SEL1L: variants seen among roughly 807,000 people sequenced by gnomAD.
SEL1L encodes SEL1L adaptor subunit of SYVN1 ubiquitin ligase.
Under a neutral mutation model 109.8 loss-of-function variants are expected in SEL1L, and 52 were observed. The ratio of observed to expected loss-of-function variants is 0.47; its 90% CI spans 0.38 to 0.60. The LOEUF (loss-of-function observed/expected upper bound fraction) is 0.60. Ranked by LOEUF, SEL1L falls within the 20% of genes least tolerant of loss-of-function variation. The probability of loss-of-function intolerance (pLI) is 0.00; values close to 1 mark genes in which losing one functional copy is unlikely to be tolerated. For synonymous variants in SEL1L, 373 were observed against 339.6 expected (o/e 1.10, Z -1.08); for missense variants, 749 against 962.2 (o/e 0.78, Z 2.93).
chr14:81,490,753 T>G (rs1169084513), intron 12 of SEL1L, among the ~76,000 whole-genome samples: 1 of 152,146 alleles, frequency 6.6e-6, no homozygotes, highest in African/African-American at 2.4e-5. Flanking sequence ...ATACAAAAAT[T>G]AGCCAGGCGT....
intron 3 of SEL1L, among the ~76,000 whole-genome samples, chr14:81,516,094 T>C (rs531650396): frequency 6.6e-6 from 1 of 152,296 alleles, no homozygotes; most frequent in East Asian, 1.9e-4. Context: ...AGGCAATCAC[T>C]GGAAGGTGCA....
chr14:81,498,512 G>A lies in SEL1L; in HGVS notation c.892-18C>T, dbSNP rs756360053. 10 of 1,593,172 alleles carry A rather than the reference G, an allele frequency of 6.3e-6. No individual in the cohort carries two copies. The highest frequency in any genetic ancestry group is 2.7e-5 in the African/African-American group (2 of 74,404). On this transcript the variant is annotated intron_variant, in intron 8 of 20. Transcript: ENST00000336735. ...CTGTAACCCTGTAAAACAACTTCAC[G>A]TGAGGAGGCAGCAGTTTCATGTACT...
intron 3 of SEL1L, among the ~76,000 whole-genome samples, chr14:81,518,718 G>A (rs1260973783): frequency 6.7e-6 from 1 of 150,160 alleles, no homozygotes; most frequent in Non-Finnish European, 1.5e-5. Flanking sequence ...TAGGGAGGAA[G>A]CCTATTGTTT....
In SEL1L at chr14:81,498,507, T is replaced by G. The variant is rs761784795; in HGVS notation, c.892-13A>C. The G allele has an allele frequency of 1.1e-5, 18 of 1,606,058 alleles. No individual in the cohort carries two copies. The South Asian group carries it at 1.8e-4, about 16-fold the overall frequency. ...AGTATCTGTAACCCTGTAAAACAAC[T>G]TCACGTGAGGAGGCAGCAGTTTCAT... On this transcript the variant is annotated splice_polypyrimidine_tract_variant and intron_variant, in intron 8 of 20. Transcript: ENST00000336735.
In SEL1L at chr14:81,495,103, C is replaced by T. The variant is rs772442888; in HGVS notation, c.1163G>A (p.Arg388His). The T allele has an allele frequency of 3.7e-6, 6 of 1,614,046 alleles. No individual in the cohort carries two copies. The highest frequency in any genetic ancestry group is 2.2e-5 in the East Asian group (1 of 44,872). ...GLGQLHLHGG[R>H]GVEQNHQRAF... is the part of the protein sequence containing the mutation. Reference sequence around the variant, plus strand: ...TACCTGATGATTCTGTTCTACTCCACGCCCTCCGTGCAGGTGCAGTTGTCC... The same window carrying T: ...TACCTGATGATTCTGTTCTACTCCATGCCCTCCGTGCAGGTGCAGTTGTCC... Residue 388 changes from arginine (R) to histidine (H), a missense_variant, in exon 11 of 21, where the codon CGT becomes CAT. Arg to His is a conservative substitution (Grantham distance 29, BLOSUM62 0). Around this residue, in one of 2 missense-constraint regions of SEL1L, gnomAD observed 383 missense variants for 562.5 expected, o/e 0.68. Transcript: ENST00000336735.
chr14:81,533,078 C>T (rs564292885), intron 1 of SEL1L, among the ~76,000 whole-genome samples: 2 of 152,324 alleles, frequency 1.3e-5, no homozygotes, highest in South Asian at 4.1e-4. Context: ...AAATGACTGT[C>T]AACAAACATG....
chr14:81,521,541 A>T (rs943289073), intron 3 of SEL1L, among the ~76,000 whole-genome samples: 3 of 152,214 alleles, frequency 2.0e-5, no homozygotes, highest in Non-Finnish European at 4.4e-5. Flanking sequence ...GTGGTCCCAT[A>T]AGATTATATC....
chr14:81,515,767 C>T (rs755760084), intron 3 of SEL1L, among the ~76,000 whole-genome samples: 15 of 152,110 alleles, frequency 9.9e-5, no homozygotes, highest in Admixed American at 2.0e-4. Context: ...CCCAATCAGC[C>T]GCAGATATCA....
rs1182671975 is a variant in SEL1L at position 81,474,912 on chromosome 14, G to A, written c.*2060C>T. The A allele has an allele frequency of 6.6e-6, 1 of 152,162 alleles. No individual in the cohort carries two copies. Among genetic ancestry groups the A allele is most frequent in the Non-Finnish European group, 1.5e-5 (1 of 68,032 alleles). 9.4% of individuals were successfully genotyped at this position (152,162 alleles called of 1,614,324 possible). ...GGTGGCACACACTGTTTTAAGAAATGTTTTCTCAAAGCACGTACTCAATGG... is the reference window on the plus strand; with the variant it reads ...GGTGGCACACACTGTTTTAAGAAATATTTTCTCAAAGCACGTACTCAATGG... On this transcript the variant is annotated 3_prime_UTR_variant, in exon 21 of 21. Transcript: ENST00000336735.
intron 10 of SEL1L, among the ~76,000 whole-genome samples, chr14:81,496,787 T>C (rs1008510497): frequency 3.3e-5 from 5 of 152,076 alleles, no homozygotes; most frequent in Non-Finnish European, 7.4e-5. Context: ...TGAAAATAAA[T>C]GTAAATTAAT....
rs768652867 is a variant in SEL1L, at chr14:81,489,233, T to C, written c.1395+19A>G. 69 of 1,607,362 alleles carry C rather than the reference T, an allele frequency of 4.3e-5. No individual in the cohort carries two copies. In the East Asian group the frequency reaches 1.5e-3, roughly 34 times the overall value. On this transcript the variant is annotated intron_variant, in intron 14 of 20. Transcript: ENST00000336735. ...AGCTGACTGCTCATTAAAGAGAGAATGTCAGACTGAACACTTACAACTTGA... is the reference window on the plus strand; with the variant it reads ...AGCTGACTGCTCATTAAAGAGAGAACGTCAGACTGAACACTTACAACTTGA...
intron 4 of SEL1L, among the ~76,000 whole-genome samples, chr14:81,505,708 T>A (rs1474726052): frequency 2.6e-5 from 4 of 152,228 alleles, no homozygotes; most frequent in African/African-American, 4.8e-5. Context: ...TAAGTATTTT[T>A]AAAAAGTTAT....
intron 3 of SEL1L, among the ~76,000 whole-genome samples, chr14:81,525,439 T>C (rs1026780371): frequency 1.4e-5 from 2 of 142,512 alleles, no homozygotes; most frequent in African/African-American, 5.2e-5. Flanking sequence ...AAAAAAAAAA[T>C]CCCTAATTAA....
At position 81,507,010 on chromosome 14, in the gene SEL1L, G is replaced by A. The variant is rs147008150; in HGVS notation, c.341-769C>T. 4.4e-3 allele frequency among the ~76,000 whole-genome samples: 664 copies of A among 152,274 alleles called. 4 individuals carry two copies. Among genetic ancestry groups the A allele is most frequent in the Non-Finnish European group, 5.3e-3 (359 of 68,004 alleles). Reference sequence around the variant, plus strand: ...GAGGTTTCAATTGAACCTGAAGGGCGTGCAGGAGTAGCAGTGAATGAAAGG... The same window carrying A: ...GAGGTTTCAATTGAACCTGAAGGGCATGCAGGAGTAGCAGTGAATGAAAGG... On this transcript the variant is annotated intron_variant, in intron 3 of 20. Coordinates refer to ENST00000336735, the MANE Select transcript of SEL1L (RefSeq NM_005065.6).
At chr14:81,518,485 C>A (rs1884787553) in intron 3 of SEL1L, among the ~76,000 whole-genome samples, 1 of 151,044 alleles carries the variant, frequency 6.6e-6, no homozygotes, top group Non-Finnish European at 1.5e-5. Context: ...CCTGGTGAAA[C>A]CCCATCTCTA....
chr14:81,530,622 G>A (rs553521936), intron 1 of SEL1L, among the ~76,000 whole-genome samples: 1 of 152,140 alleles, frequency 6.6e-6, no homozygotes, highest in South Asian at 2.1e-4. Context: ...ATGCATTTGT[G>A]AGAAAAATTA....
chr14:81,496,193 G>A (rs1379155686), intron 10 of SEL1L, among the ~76,000 whole-genome samples: 16 of 151,748 alleles, frequency 1.1e-4, no homozygotes, highest in Admixed American at 7.9e-4. Flanking sequence ...GCATGGTAGC[G>A]GGTGCCTGTA....
intron 11 of SEL1L, among the ~76,000 whole-genome samples, chr14:81,494,078 C>T (rs1336522619): frequency 6.6e-6 from 1 of 152,200 alleles, no homozygotes; most frequent in Non-Finnish European, 1.5e-5. Context: ...ATATTTTCAG[C>T]TTCAATCCAG....
At chr14:81,498,974 A>G (rs1883893248) in intron 8 of SEL1L, 1 of 398,670 alleles carries the variant, frequency 2.5e-6, no homozygotes. Flanking sequence ...CATGAAAAGT[A>G]AAAAACAGAA....
Sources: allele counts gnomAD v4.1 joint callset (sites outside exome capture counted in the v4.1 genomes callset), GRCh38; gene constraint gnomAD v4.1.1; regional missense constraint gnomAD v4.1.1; transcripts MANE v1.5; gene names NCBI Gene and HGNC (gene_info 2026-07-23, HGNC 2026-07-21).